SH3BP4: variants seen among roughly 807,000 people sequenced by gnomAD.
The protein encoded by SH3BP4 is SH3 domain-binding protein 4.
A neutral mutation model predicts 65.5 loss-of-function variants in SH3BP4; 33 were observed. The ratio of observed to expected loss-of-function variants is 0.50; its 90% CI spans 0.38 to 0.67. The LOEUF (loss-of-function observed/expected upper bound fraction) is 0.67. SH3BP4 is among the 30% of genes least tolerant of loss of function. The pLI, the probability that SH3BP4 is intolerant of heterozygous loss-of-function variation, is 0.00. For synonymous variants in SH3BP4, 552 were observed against 545.5 expected, an observed-to-expected ratio of 1.01 and a Z score of -0.17; for missense variants, 1,134 against 1,261.4, an observed-to-expected ratio of 0.90 and a Z score of 1.53.
chr2:235,036,740 A>AAAAAATAATAATAATAATAATAATAAT (rs146049108), intron 3 of SH3BP4, among the ~76,000 whole-genome samples: 1,486 of 141,736 alleles, frequency 0.01, 35 homozygotes, highest in African/African-American at 0.039. Flanking sequence ...TCTATATAAA[A>AAAAAATAATAATAATAATAATAATAAT]AATAATAATA....
Position 235,030,617 on chromosome 2 carries a change from C to T in SH3BP4, c.-132-4254C>T, listed in dbSNP as rs1383524224. On this transcript the variant is annotated intron_variant, in intron 2 of 5. Coordinates refer to ENST00000392011, the MANE Select transcript of SH3BP4 (RefSeq NM_014521.3). The surrounding 1 kb of genome is among the most constrained non-coding windows in gnomAD (Gnocchi z 4.1). ...ACCCAGAGGTGGCCAGTGAGCGTGG[C>T]CACACCAGGCTGAGCTGGGAGGAGG... 6.6e-6 allele frequency among the ~76,000 whole-genome samples: 1 copy of T among 152,048 alleles called. No homozygotes were observed. The highest frequency in any genetic ancestry group is 1.5e-5 in the Non-Finnish European group (1 of 67,996).
At chr2:235,020,626 T>C (rs888859935) in intron 2 of SH3BP4, among the ~76,000 whole-genome samples, 3 of 152,194 alleles carry the variant, frequency 2.0e-5, no homozygotes, top group African/African-American at 7.2e-5. Context: ...TATCATAATG[T>C]ATTAAAAATG....
intron 5 of SH3BP4, 34 bp from the exon 6 acceptor site, chr2:235,053,558 C>G (rs370645830): frequency 6.6e-7 from 1 of 1,520,948 alleles, no homozygotes; most frequent in South Asian, 1.1e-5. Context: ...CTTCCTCTCT[C>G]CCTCCTTTTG....
chr2:235,017,638 T>A (rs898354469), intron 2 of SH3BP4, among the ~76,000 whole-genome samples: 4 of 152,020 alleles, frequency 2.6e-5, no homozygotes, highest in African/African-American at 9.7e-5. Flanking sequence ...TCGACATGAG[T>A]GAGCATTGAT....
chr2:234,963,403 T>G lies in SH3BP4; in HGVS notation c.-207+11233T>G, dbSNP rs1005995720. Among the ~76,000 whole-genome samples, 13 of 152,220 alleles carry G rather than the reference T, an allele frequency of 8.5e-5. 1 individual carries two copies. The highest frequency in any genetic ancestry group is 4.2e-4 in the South Asian group (2 of 4,818). On this transcript the variant is annotated intron_variant, in intron 1 of 5. Coordinates refer to ENST00000392011, the MANE Select transcript of SH3BP4 (RefSeq NM_014521.3). ...AAAGCACCTCAAAAGGGAGTGACGTTGGGAAGAGTTCCAGAATCTGTTGTA... is the reference window on the plus strand; with the variant it reads ...AAAGCACCTCAAAAGGGAGTGACGTGGGGAAGAGTTCCAGAATCTGTTGTA...
intron 1 of SH3BP4, among the ~76,000 whole-genome samples, chr2:234,970,006 C>T (rs1484038037): frequency 1.3e-5 from 2 of 149,662 alleles, no homozygotes; most frequent in Non-Finnish European, 2.9e-5. Context: ...CACTCGCTGT[C>T]TCACACACAC....
At chr2:234,989,415 C>CCCTA (rs1194925462) in intron 1 of SH3BP4, among the ~76,000 whole-genome samples, 1 of 152,212 alleles carries the variant, frequency 6.6e-6, no homozygotes, top group Non-Finnish European at 1.5e-5. Context: ...CCATCTCCTA[C>CCCTA]CCTAGCTGGT....
chr2:234,972,926 G>A (rs1337870910), intron 1 of SH3BP4, among the ~76,000 whole-genome samples: 2 of 152,140 alleles, frequency 1.3e-5, no homozygotes, highest in Non-Finnish European at 2.9e-5. Context: ...TGTAGTTGAA[G>A]TAGGTTGTGT....
At chr2:235,031,620 C>A (rs577616581) in intron 2 of SH3BP4, among the ~76,000 whole-genome samples, 58 of 152,348 alleles carry the variant, frequency 3.8e-4, no homozygotes, top group South Asian at 1.7e-3. Flanking sequence ...ACCACAGCCC[C>A]TCCATCCCTC....
chr2:235,041,213 C>G lies in SH3BP4; in HGVS notation c.444C>G (p.Asp148Glu), dbSNP rs1695626427. ...ELELLGGWTD[D>E]KKVPGRMYSN... ...AGCTGCTCGGGGGATGGACAGATGA[C>G]AAAAAAGTACCAGGCAGAATGTACA... Residue 148 changes from aspartate to glutamate, a missense_variant, in exon 4 of 6, where the codon GAC (aspartate) becomes GAG (glutamate). Coordinates refer to ENST00000392011, the MANE Select transcript of SH3BP4 (RefSeq NM_014521.3). The surrounding 1 kb of genome is among the most constrained non-coding windows in gnomAD (Gnocchi z 6.0). 2 of 1,614,004 alleles carry G rather than the reference C, an allele frequency of 1.2e-6. No individual in the cohort carries two copies. The highest frequency in any genetic ancestry group is 1.6e-4 in the Middle Eastern group (1 of 6,062).
intron 2 of SH3BP4, among the ~76,000 whole-genome samples, chr2:235,005,757 C>T (rs1278620398): frequency 1.3e-5 from 2 of 152,198 alleles, no homozygotes; most frequent in African/African-American, 4.8e-5. Flanking sequence ...GCAGGTTTCA[C>T]ACACATCTTA....
rs979326471 is a variant in SH3BP4, at chr2:235,042,658, A to C, written c.1889A>C (p.Glu630Ala). 1.2e-6 allele frequency: 2 copies of C among 1,614,152 alleles called. No homozygotes were observed. Among genetic ancestry groups the C allele is most frequent in the Non-Finnish European group, 1.7e-6 (2 of 1,180,032 alleles). Residue 630 changes from glutamate to alanine, a missense_variant, in exon 4 of 6, where the codon GAA becomes GCA. Glu to Ala is a moderately radical substitution (Grantham distance 107). Coordinates refer to ENST00000392011, the MANE Select transcript of SH3BP4 (RefSeq NM_014521.3). This position sits in a 1 kb window ranked among gnomAD's most constrained non-coding sequence, Gnocchi z 7.3. ...SGQRRFLKKN[E>A]VGKIILSPFA... ...CAAAGGAGGTTTCTCAAGAAGAACG[A>C]AGTCGGGAAAATCATCCTGTCCCCG...
rs560225497 is a variant in SH3BP4, at chr2:234,997,897, C to T, written c.-133+2521C>T. ...CAGCACTTTGGGAGGCCGAGGTGGG[C>T]GGATCACGAGATCAGGAGATCAAGA... On this transcript the variant is annotated intron_variant, in intron 2 of 5. Transcript: ENST00000392011. This position sits in a 1 kb window ranked among gnomAD's most constrained non-coding sequence, Gnocchi z 4.2. 8.5e-4 allele frequency among the ~76,000 whole-genome samples: 130 copies of T among 152,166 alleles called. No homozygotes were observed. Among genetic ancestry groups the T allele is most frequent in the African/African-American group, 2.8e-3 (117 of 41,526 alleles).
At chr2:235,031,572 G>A (rs1294343541) in intron 2 of SH3BP4, among the ~76,000 whole-genome samples, 1 of 152,164 alleles carries the variant, frequency 6.6e-6, no homozygotes, top group Admixed American at 6.5e-5. Flanking sequence ...ACCGCGTTCC[G>A]CCAGCTTACC....
In SH3BP4 at chr2:235,040,946, A is replaced by G; in HGVS notation, c.177A>G (p.Glu59=). 1 of 1,614,150 alleles carries G rather than the reference A, an allele frequency of 6.2e-7. No homozygotes were observed. The highest frequency in any genetic ancestry group is 8.5e-7 in the Non-Finnish European group (1 of 1,180,018). Residue 59 remains glutamate, a synonymous_variant, in exon 4 of 6, where the codon GAA becomes GAG. Transcript: ENST00000392011. ...DNPTPFGNAK[E]VIAIKDYCPT... is the part of the protein sequence containing the mutation. ...CCACACCTTTCGGAAATGCAAAGGAAGTGATTGCGATCAAGGACTATTGCC... is the reference window on the plus strand; with the variant it reads ...CCACACCTTTCGGAAATGCAAAGGAGGTGATTGCGATCAAGGACTATTGCC...
intron 2 of SH3BP4, among the ~76,000 whole-genome samples, chr2:235,001,053 G>C (rs564880560): frequency 6.6e-5 from 10 of 152,330 alleles, no homozygotes; most frequent in Admixed American, 6.5e-4. Context: ...GAGCTGGGAC[G>C]TACAACCTCG....
chr2:235,022,124 C>G (rs189766783), intron 2 of SH3BP4, among the ~76,000 whole-genome samples: 107 of 152,290 alleles, frequency 7.0e-4, no homozygotes, highest in Non-Finnish European at 1.0e-3. Flanking sequence ...ATAATTGAGA[C>G]TTTATCAAAT....
Position 235,041,880 on chromosome 2 carries a change from T to A in SH3BP4, c.1111T>A (p.Ser371Thr). Residue 371 changes from serine to threonine, a missense_variant, in exon 4 of 6, where the codon TCC becomes ACC. Physicochemically the swap from Ser to Thr is moderately conservative, Grantham distance 58 (BLOSUM62 1). Transcript: ENST00000392011. This position sits in a 1 kb window ranked among gnomAD's most constrained non-coding sequence, Gnocchi z 6.0. ...CCCGCTGGAGCTCAACAGTGACAGG[T>A]CCTGCAGCATCAGCCCTGTGCTGGA... ...DPPLELNSDR[S>T]CSISPVLEVK... is the part of the protein sequence containing the mutation. 1 of 1,612,714 alleles carries A rather than the reference T, an allele frequency of 6.2e-7. No individual in the cohort carries two copies. The highest frequency in any genetic ancestry group is 8.5e-7 in the Non-Finnish European group (1 of 1,179,342).
chr2:235,027,686 G>A (rs1695044036), intron 2 of SH3BP4, among the ~76,000 whole-genome samples: 2 of 152,218 alleles, frequency 1.3e-5, no homozygotes, highest in Admixed American at 6.5e-5. Context: ...GGAATTGGCA[G>A]GGGAGGAGCA....
Sources: gnomAD v4.1 joint callset for allele counts (sites outside exome capture counted in the v4.1 genomes callset) on GRCh38, gnomAD v4.1.1 for gene constraint, Gnocchi (gnomAD v3.1) non-coding constraint, MANE v1.5 for transcripts, NCBI Gene and HGNC (gene_info 2026-07-23, HGNC 2026-07-21) for gene names.